Variants in FAT3 observed in about 807,000 individuals in gnomAD.
The protein encoded by FAT3 is protocadherin Fat 3.
A neutral mutation model predicts 310.2 loss-of-function variants in FAT3; 95 were observed. That is an observed-to-expected ratio of 0.31 (90% CI 0.26 to 0.36). The LOEUF (loss-of-function observed/expected upper bound fraction) is 0.36. FAT3 is among the 10% of genes least tolerant of loss of function. The pLI is 1.00. For synonymous variants in FAT3, 2,314 were observed against 2,192.9 expected (o/e 1.06, Z -1.54); for missense variants, 5,408 against 5,715.6 (o/e 0.95, Z 1.74).
intron 2 of FAT3, among the ~76,000 whole-genome samples, chr11:92,383,777 G>T (rs1056705720): frequency 9.2e-5 from 14 of 152,154 alleles, no homozygotes; most frequent in South Asian, 2.1e-4. Context: ...TGCCAGATTT[G>T]CAGAATTACC....
intron 4 of FAT3, among the ~76,000 whole-genome samples, chr11:92,725,747 T>C (rs986058227): frequency 1.3e-5 from 2 of 152,066 alleles, no homozygotes; most frequent in African/African-American, 4.8e-5. Flanking sequence ...ATAAAGAGTG[T>C]TTCTATTTTC....
At chr11:92,259,301 A>G (rs1565184802) in intron 1 of FAT3, among the ~76,000 whole-genome samples, 1 of 152,144 alleles carries the variant, frequency 6.6e-6, no homozygotes, top group Non-Finnish European at 1.5e-5. Flanking sequence ...CATAAGATTT[A>G]AACTCTTGAC....
intron 2 of FAT3, among the ~76,000 whole-genome samples, chr11:92,430,545 A>G (rs918107138): frequency 6.6e-6 from 1 of 151,798 alleles, no homozygotes; most frequent in Non-Finnish European, 1.5e-5. Flanking sequence ...GTTTTAGGGT[A>G]CATGTGTACA....
intron 2 of FAT3, among the ~76,000 whole-genome samples, chr11:92,506,026 A>G (rs953007808): frequency 6.6e-5 from 10 of 152,146 alleles, no homozygotes; most frequent in Non-Finnish European, 1.2e-4. Flanking sequence ...GAAAGGCAGG[A>G]CAGCATATCT....
At chr11:92,812,111 T>C (rs1947690528) in intron 13 of FAT3, among the ~76,000 whole-genome samples, 2 of 152,184 alleles carry the variant, frequency 1.3e-5, no homozygotes, top group Non-Finnish European at 2.9e-5. Context: ...ATTGGTACAC[T>C]AATTTTCATT....
Position 92,312,416 on chromosome 11 carries a change from A to C in FAT3, c.-17-39680A>C, listed in dbSNP as rs142237961. On this transcript the variant is annotated intron_variant, in intron 1 of 27. Transcript: ENST00000525166. ...CCTCTATTCTTCCTACATGTATATT[A>C]AGGAAAATGGGGCTTCTTTTGCAGA... is the stretch of plus-strand genomic sequence containing the variant. Among the ~76,000 whole-genome samples the C allele has an allele frequency of 7.3e-3, 1,118 of 152,310 alleles. 22 individuals are homozygous for C. The highest frequency in any genetic ancestry group is 0.025 in the African/African-American group (1,035 of 41,570).
Position 92,745,582 on chromosome 11 carries a change from G to GAAA in FAT3, c.3670-16259_3670-16257dup, listed in dbSNP as rs58851230. ...TAGCTGATGCATACCTCTCTGCAGG[G>GAAA]AAAAAAAAAAAAAAAAAGCTTTAAG... On this transcript the variant is annotated intron_variant, in intron 4 of 27. Transcript: ENST00000525166. 5.2e-3 allele frequency among the ~76,000 whole-genome samples: 640 copies of GAAA among 122,924 alleles called. 5 individuals are homozygous for GAAA. The highest frequency in any genetic ancestry group is 0.011 in the African/African-American group (377 of 33,912). 80.6% of individuals were successfully genotyped at this position (122,924 alleles called of 152,430 possible).
At chr11:92,820,972 G>A (rs769504829) in intron 13 of FAT3, among the ~76,000 whole-genome samples, 2 of 152,154 alleles carry the variant, frequency 1.3e-5, no homozygotes, top group Non-Finnish European at 2.9e-5. Context: ...TTAAAACAGG[G>A]CCCACCTTGG....
At chr11:92,575,301 C>A (rs937239328) in intron 3 of FAT3, among the ~76,000 whole-genome samples, 1 of 152,090 alleles carries the variant, frequency 6.6e-6, no homozygotes, top group Non-Finnish European at 1.5e-5. Context: ...GCTCACCATC[C>A]CCTGTCCCCA....
intron 2 of FAT3, among the ~76,000 whole-genome samples, chr11:92,375,053 ACACAC>A (rs1361094054): frequency 2.0e-5 from 3 of 152,180 alleles, no homozygotes; most frequent in Admixed American, 2.0e-4. Flanking sequence ...GCACACACAC[ACACAC>A]CATACCTAAA....
At chr11:92,693,391 T>C (rs369344474) in intron 3 of FAT3, among the ~76,000 whole-genome samples, 38 of 152,340 alleles carry the variant, frequency 2.5e-4, no homozygotes, top group African/African-American at 9.1e-4. Context: ...TCGTATAGAT[T>C]ACAGAATGGG....
intron 2 of FAT3, among the ~76,000 whole-genome samples, chr11:92,407,397 A>G (rs1339971108): frequency 1.3e-5 from 2 of 152,296 alleles, no homozygotes; most frequent in African/African-American, 2.4e-5. Context: ...TTAAACACCG[A>G]CAACACTGAC....
intron 3 of FAT3, among the ~76,000 whole-genome samples, chr11:92,537,395 C>A (rs1481532601): frequency 6.6e-6 from 1 of 152,076 alleles, no homozygotes; most frequent in Non-Finnish European, 1.5e-5. Context: ...AGGTTTGAAA[C>A]CTCACAGAGA....
chr11:92,711,771 A>G (rs1339093243), intron 4 of FAT3, among the ~76,000 whole-genome samples: 1 of 152,216 alleles, frequency 6.6e-6, no homozygotes, highest in African/African-American at 2.4e-5. Flanking sequence ...TAAACATGTA[A>G]CCTAAATATG....
chr11:92,880,979 A>G (rs571124133), intron 23 of FAT3, 95 bp downstream of exon 23: 2 of 1,354,400 alleles, frequency 1.5e-6, no homozygotes, highest in South Asian at 1.3e-5. Context: ...TTTACCACTA[A>G]TAGTACAGGC....
At chr11:92,366,815 G>T in intron 2 of FAT3, 1 of 533,626 alleles carries the variant, frequency 1.9e-6, no homozygotes, top group Non-Finnish European at 3.8e-6. Context: ...CTGATCTTCA[G>T]TGAGGTCTGC....
chr11:92,442,297 T>C (rs932295270), intron 2 of FAT3, among the ~76,000 whole-genome samples: 2 of 149,040 alleles, frequency 1.3e-5, no homozygotes, highest in African/African-American at 4.9e-5. Context: ...GTATTTTTAG[T>C]AGAGACGGGG....
intron 1 of FAT3, among the ~76,000 whole-genome samples, chr11:92,310,647 G>C (rs149371857): frequency 6.7e-6 from 1 of 149,504 alleles, no homozygotes; most frequent in Non-Finnish European, 1.5e-5. Context: ...GTGTATATAC[G>C]TGTGTGTGTA....
intron 9 of FAT3, among the ~76,000 whole-genome samples, chr11:92,795,576 G>A (rs1418138549): frequency 6.6e-6 from 1 of 151,916 alleles, no homozygotes; most frequent in South Asian, 2.1e-4. Flanking sequence ...CTGGAAGCGT[G>A]TCACAAGCAG....
Sources: allele counts gnomAD v4.1 joint callset (sites outside exome capture counted in the v4.1 genomes callset), GRCh38; gene constraint gnomAD v4.1.1; transcripts MANE v1.5; gene names NCBI Gene and HGNC (gene_info 2026-07-23, HGNC 2026-07-21).